KLHL21: variants seen among roughly 807,000 people sequenced by gnomAD.
The protein encoded by KLHL21 is kelch like family member 21.
In KLHL21, 42 loss-of-function variants were observed where a neutral mutation model predicts 44.1. The observed-to-expected ratio is 0.95, with a 90% CI of 0.74 to 1.23. KLHL21 has a LOEUF of 1.23. KLHL21 is among the 50% of genes most tolerant of loss of function. The pLI is 0.00. For missense variants in KLHL21, 918 were observed against 889.1 expected, an observed-to-expected ratio of 1.03 and a Z score of -0.41; for synonymous variants, 524 against 411.6, an observed-to-expected ratio of 1.27 and a Z score of -3.31.
chr1:6,593,881 C>T lies in KLHL21; in HGVS notation c.1501-223G>A, dbSNP rs186226481. ...CCTTCCCTATGGTGATGAGGGTGCC[C>T]GCTGCAGCGCCAGGCCTCCCCGTGT... is the stretch of plus-strand genomic sequence containing the variant. On this transcript the variant is annotated intron_variant, in intron 3 of 3. Transcript: ENST00000377658. The T allele has an allele frequency of 8.1e-3, 10,657 of 1,311,538 alleles. 59 individuals carry two copies. The highest frequency in any genetic ancestry group is 0.025 in the Middle Eastern group (86 of 3,464). 81.2% of individuals were successfully genotyped at this position (1,311,538 alleles called of 1,614,324 possible). A position where few individuals can be genotyped will look rare whatever the true frequency, so the allele number is the denominator to read the frequency against.
intron 1 of KLHL21, among the ~76,000 whole-genome samples, chr1:6,601,078 A>G (rs1277712946): frequency 1.3e-5 from 2 of 152,220 alleles, no homozygotes; most frequent in African/African-American, 2.4e-5. Context: ...GCAGTCACAG[A>G]GACCGCCCTT....
At position 6,602,044 on chromosome 1, in the gene KLHL21, G is replaced by T; in HGVS notation, c.774C>A (p.Arg258=). 1 of 1,523,114 alleles carries T rather than the reference G, an allele frequency of 6.6e-7. No homozygotes were observed. The highest frequency in any genetic ancestry group is 1.2e-5 in the South Asian group (1 of 81,250). The allele number at this position is 1,523,114 out of a possible 1,614,324, so 94.3% of individuals were successfully genotyped here. A position where few individuals can be genotyped will look rare whatever the true frequency, so the allele number is the denominator to read the frequency against. ...PPCLRLLREA[R]DFQAARYDRH... Reference sequence around the variant, plus strand: ...GGTCGTAGCGCGCCGCCTGGAAGTCGCGCGCCTCGCGCAGCAGGCGCAGGC... The same window carrying T: ...GGTCGTAGCGCGCCGCCTGGAAGTCTCGCGCCTCGCGCAGCAGGCGCAGGC... Residue 258 remains arginine, a synonymous_variant, in exon 1 of 4, where the codon CGC becomes CGA. Transcript: ENST00000377658.
intron 2 of KLHL21, among the ~76,000 whole-genome samples, chr1:6,596,054 C>T (rs1434436404): frequency 6.6e-6 from 1 of 152,222 alleles, no homozygotes; most frequent in African/African-American, 2.4e-5. Context: ...TCAACTTCAT[C>T]TGACACCCTT....
intron 3 of KLHL21, chr1:6,594,020 ATGGCT>A (rs1240625628): frequency 9.5e-7 from 1 of 1,053,064 alleles, no homozygotes; most frequent in Non-Finnish European, 1.1e-6. Flanking sequence ...TGAGGCTTGC[ATGGCT>A]GACAGTGGCA....
chr1:6,593,378 T>C lies in KLHL21; in HGVS notation c.1781A>G (p.Asp594Gly). 6.3e-7 allele frequency: 1 copy of C among 1,597,134 alleles called. No homozygotes were observed. The highest frequency in any genetic ancestry group is 1.1e-5 in the South Asian group (1 of 90,272). ...PGRPRPPRDP[D>G]ELH The stretch of plus-strand genomic sequence containing the variant: ...GCCAGACTGGGGCTAGTGCAGCTCA[T>C]CGGGGTCCCGCGGCGGCCGGGGTCG... The change falls in exon 4 of 4, where the codon GAT becomes GGT. Residue 594 changes from aspartate to glycine, a missense_variant. Coordinates refer to ENST00000377658, the MANE Select transcript of KLHL21 (RefSeq NM_014851.4).
In KLHL21 at chr1:6,599,011, C is replaced by A. The variant is rs370245095; in HGVS notation, c.1427+36G>T. The A allele has an allele frequency of 1.6e-4, 251 of 1,534,998 alleles. 1 individual carries two copies. Among genetic ancestry groups the A allele is most frequent in the Middle Eastern group, 1.4e-3 (8 of 5,726 alleles). ...TTAAGACAGGGCCTGGTAAGAGACA[C>A]CAAACACACAGTGGGGCTCGGCACC... On this transcript the variant is annotated intron_variant, in intron 2 of 3. Coordinates refer to ENST00000377658, the MANE Select transcript of KLHL21 (RefSeq NM_014851.4).
At chr1:6,600,287 C>T (rs559884823) in intron 1 of KLHL21, among the ~76,000 whole-genome samples, 3 of 152,250 alleles carry the variant, frequency 2.0e-5, no homozygotes, top group South Asian at 4.1e-4. Flanking sequence ...CTGAAGTGAT[C>T]CACCCACCTT....
In KLHL21 at chr1:6,599,577, C is replaced by T. The variant is rs2232457; in HGVS notation, c.1022-125G>A. ...TAACATCACTGGGCTTCACCCCAGA[C>T]GCACACCCTCTCCCCAAAAGCCCAG... On this transcript the variant is annotated intron_variant, in intron 1 of 3. Transcript: ENST00000377658. 7.4e-4 allele frequency: 734 copies of T among 996,118 alleles called. 2 individuals are homozygous for T. The African/African-American group carries it at 9.3e-3, about 13-fold the overall frequency. The allele number at this position is 996,118 out of a possible 1,614,324, so 61.7% of individuals were successfully genotyped here. A position where few individuals can be genotyped will look rare whatever the true frequency, so the allele number is the denominator to read the frequency against.
chr1:6,599,000 G>T, intron 2 of KLHL21, 47 bp downstream of exon 2: 3 of 1,515,930 alleles, frequency 2.0e-6, no homozygotes, highest in Non-Finnish European at 2.7e-6. Flanking sequence ...GACAGGGCCT[G>T]GTAAGAGACA....
At chr1:6,595,287 GT>G in intron 3 of KLHL21, 197 bp downstream of exon 3, 1 of 667,690 alleles carries the variant, frequency 1.5e-6, no homozygotes, top group East Asian at 2.7e-5. Context: ...GTACTAAGCT[GT>G]GTAATCATAG....
rs1358861570 is a variant in KLHL21, at chr1:6,601,940, C to T, written c.878G>A (p.Gly293Asp). 2 of 1,560,358 alleles carry T rather than the reference C, an allele frequency of 1.3e-6. No homozygotes were observed. The highest frequency in any genetic ancestry group is 1.7e-6 in the Non-Finnish European group (2 of 1,152,840). ...CAGCTCGTCACAGTCCTGGTCGCAG[C>T]CGCCCACGAGCACGAGGATCTCGGC... The part of the protein sequence containing the change: ...GLAEILVLVG[G>D]CDQDCDELVT... The change falls in exon 1 of 4, where the codon GGC (glycine) becomes GAC (aspartate). Residue 293 changes from glycine to aspartate, a missense_variant. Coordinates refer to ENST00000377658, the MANE Select transcript of KLHL21 (RefSeq NM_014851.4).
At chr1:6,600,148 C>T (rs532186736) in intron 1 of KLHL21, among the ~76,000 whole-genome samples, 35 of 152,222 alleles carry the variant, frequency 2.3e-4, no homozygotes, top group East Asian at 1.5e-3. Flanking sequence ...TGGGCTCAAG[C>T]AATCCTCCCA....
chr1:6,599,093 A>C lies in KLHL21; in HGVS notation c.1381T>G (p.Phe461Val). Residue 461 changes from phenylalanine to valine, a missense_variant, in exon 2 of 4, where the codon TTC becomes GTC. Coordinates refer to ENST00000377658, the MANE Select transcript of KLHL21 (RefSeq NM_014851.4). ...TTTAGAGTCGCAGTCTTGGGGGCGA[A>C]GGACCAGGGCGGGAGCTGGCCGCAG... ...VDCGQLPPWS[F>V]APKTATLNGL... 2 of 1,610,344 alleles carry C rather than the reference A, an allele frequency of 1.2e-6. No homozygotes were observed. The highest frequency in any genetic ancestry group is 2.2e-5 in the South Asian group (2 of 90,624).
rs1640964179 is a variant in KLHL21, at chr1:6,598,742, GCATGGT to G, written c.1427+299_1427+304del. On this transcript the variant is annotated intron_variant, in intron 2 of 3. Coordinates refer to ENST00000377658, the MANE Select transcript of KLHL21 (RefSeq NM_014851.4). The stretch of plus-strand genomic sequence containing the variant: ...CAAAAAATACAAAAAAATTAGCCAG[GCATGGT>G]GGTGGGCGCCTGTAGTCCCAGCTAC... 2.6e-5 allele frequency among the ~76,000 whole-genome samples: 4 copies of G among 152,226 alleles called. No individual in the cohort carries two copies. In the South Asian group the frequency reaches 8.3e-4, roughly 32 times the overall value.
chr1:6,602,277 G>A lies in KLHL21; in HGVS notation c.541C>T (p.Leu181=), dbSNP rs569480034. 7.1e-5 allele frequency: 110 copies of A among 1,556,014 alleles called. No individual in the cohort carries two copies. Among genetic ancestry groups the A allele is most frequent in the Admixed American group, 3.1e-4 (17 of 54,744 alleles). ...CCGTCGTCCCGCAGGTAGCGCAGCAGGCGCGCCAGTGGCAGCCGCTCCAGC... is the reference window on the plus strand; with the variant it reads ...CCGTCGTCCCGCAGGTAGCGCAGCAAGCGCGCCAGTGGCAGCCGCTCCAGC... ...EQLERLPLAR[L]LRYLRDDGLC... The change falls in exon 1 of 4, where the codon CTG becomes TTG. Residue 181 remains leucine (L), a synonymous_variant. Coordinates refer to ENST00000377658, the MANE Select transcript of KLHL21 (RefSeq NM_014851.4).
chr1:6,599,371 A>G lies in KLHL21; in HGVS notation c.1103T>C (p.Met368Thr). The G allele has an allele frequency of 6.2e-7, 1 of 1,613,752 alleles. No homozygotes were observed. Among genetic ancestry groups the G allele is most frequent in the Non-Finnish European group, 8.5e-7 (1 of 1,180,022 alleles). Reference sequence around the variant, plus strand: ...GCTGTGGTACTCGCGGGCCTTCAGCATGGGCGCCACCTCCGCCCACTCATT... The same window carrying G: ...GCTGTGGTACTCGCGGGCCTTCAGCGTGGGCGCCACCTCCGCCCACTCATT... ...SVNEWAEVAP[M>T]LKAREYHSSS... Residue 368 changes from methionine (M) to threonine (T), a missense_variant, in exon 2 of 4, where the codon ATG becomes ACG. Physicochemically the swap from Met to Thr is moderately conservative, Grantham distance 81 (BLOSUM62 -1). Transcript: ENST00000377658.
rs780978614 is a variant in KLHL21, at chr1:6,602,779, C to T, written c.39G>A (p.Ser13=). The change falls in exon 1 of 4, where the codon TCG becomes TCA. Residue 13 remains serine (S), a synonymous_variant. Coordinates refer to ENST00000377658, the MANE Select transcript of KLHL21 (RefSeq NM_014851.4). ...RPAPLAVLPF[S]DPAHALSLLR... ...GCAGGCTCAGGGCGTGCGCGGGGTC[C>T]GAGAAGGGAAGCACGGCCAGGGGCG... 13 of 1,479,182 alleles carry T rather than the reference C, an allele frequency of 8.8e-6. No individual in the cohort carries two copies. Among genetic ancestry groups the T allele is most frequent in the Admixed American group, 2.5e-5 (1 of 40,672 alleles). The allele number at this position is 1,479,182 out of a possible 1,614,324, so 91.6% of individuals were successfully genotyped here. A position where few individuals can be genotyped will look rare whatever the true frequency, so the allele number is the denominator to read the frequency against.
rs2232456 is a variant in KLHL21, at chr1:6,601,921, G to A, written c.897C>T (p.Asp299=). 2.2e-3 allele frequency: 3,447 copies of A among 1,562,822 alleles called. 58 individuals are homozygous for A. In the African/African-American group the frequency reaches 0.041, roughly 19 times the overall value. ...VLVGGCDQDC[D]ELVTVDCYNP... Reference sequence around the variant, plus strand: ...TGTAGCAGTCGACAGTGACCAGCTCGTCACAGTCCTGGTCGCAGCCGCCCA... The same window carrying A: ...TGTAGCAGTCGACAGTGACCAGCTCATCACAGTCCTGGTCGCAGCCGCCCA... The change falls in exon 1 of 4, where the codon GAC becomes GAT. Residue 299 remains aspartate, a synonymous_variant. Transcript: ENST00000377658.
intron 2 of KLHL21, among the ~76,000 whole-genome samples, chr1:6,597,317 A>G (rs981818659): frequency 5.9e-5 from 9 of 152,196 alleles, no homozygotes; most frequent in Admixed American, 1.3e-4. Flanking sequence ...TTGCTCTAGG[A>G]CAGATGGGGG....
Sources: gnomAD v4.1 joint callset for allele counts (sites outside exome capture counted in the v4.1 genomes callset) on GRCh38, gnomAD v4.1.1 for gene constraint, MANE v1.5 for transcripts, NCBI Gene and HGNC (gene_info 2026-07-23, HGNC 2026-07-21) for gene names.